Variants in YLPM1 observed in about 807,000 individuals in gnomAD.
YLPM1 encodes the protein YLP motif-containing protein 1.
In YLPM1, 99 loss-of-function variants were observed where a neutral mutation model predicts 230.0. That is an observed-to-expected ratio of 0.43 (90% CI 0.37 to 0.51). The LOEUF (loss-of-function observed/expected upper bound fraction) is 0.51, where lower values mean the gene tolerates loss of function less well. YLPM1 is among the 20% of genes least tolerant of loss of function. YLPM1 has a pLI of 0.00. For missense variants in YLPM1, 2,592 were observed against 2,707.7 expected (o/e 0.96, Z 0.95); for synonymous variants, 984 against 942.5 (o/e 1.04, Z -0.81).
rs1210043743 is a variant in YLPM1 at position 74,778,553 on chromosome 14, C to A, written c.980C>A (p.Pro327Gln). The A allele has an allele frequency of 6.2e-7, 1 of 1,606,570 alleles. No homozygotes were observed. The highest frequency in any genetic ancestry group is 8.5e-7 in the Non-Finnish European group (1 of 1,176,650). The change falls in exon 2 of 21, where the codon CCA becomes CAA. Residue 327 changes from proline (P) to glutamine (Q), a missense_variant. Transcript: ENST00000325680. Reference sequence around the variant, plus strand: ...GGTCCTGTGGTAGCAAAGGATACACCAGAGCCGGTAAAAGAAGAAGTTACA... The same window carrying A: ...GGTCCTGTGGTAGCAAAGGATACACAAGAGCCGGTAAAAGAAGAAGTTACA... The part of the protein sequence containing the change: ...KKGPVVAKDT[P>Q]EPVKEEVTVP...
intron 18 of YLPM1, among the ~76,000 whole-genome samples, chr14:74,825,715 G>C (rs2091556112): frequency 6.6e-6 from 1 of 151,904 alleles, no homozygotes; most frequent in Non-Finnish European, 1.5e-5. Context: ...TTATCCTTTA[G>C]GGCAAAGAGA....
At position 74,798,622 on chromosome 14, in the gene YLPM1, C is replaced by T; in HGVS notation, c.3325C>T (p.Arg1109Ter). 1 of 1,611,542 alleles carries T rather than the reference C, an allele frequency of 6.2e-7. No individual in the cohort carries two copies. Among genetic ancestry groups the T allele is most frequent in the Non-Finnish European group, 8.5e-7 (1 of 1,178,534 alleles). The change falls in exon 5 of 21, where the codon CGA (arginine) becomes TGA (stop). Residue 1109 changes from arginine (R) to a stop codon, truncating the protein, a stop_gained. Transcript: ENST00000325680. LOFTEE classifies it high-confidence loss of function. The part of the protein sequence containing the change: ...GSQDRGAAGS[R>*]ERGPPRRAGS... ...CCAGGACAGGGGTGCAGCTGGCAGC[C>T]GAGAAAGGGGACCACCTCGGAGGGC...
intron 13 of YLPM1, 73 bp downstream of exon 13, chr14:74,816,763 G>A: frequency 6.6e-7 from 1 of 1,513,850 alleles, no homozygotes; most frequent in Non-Finnish European, 8.8e-7. Context: ...GGAGAGAAAT[G>A]TGGCTTTTTT....
At chr14:74,830,908 A>G (rs1004712219) in intron 19 of YLPM1, among the ~76,000 whole-genome samples, 2 of 152,206 alleles carry the variant, frequency 1.3e-5, no homozygotes, top group African/African-American at 4.8e-5. Context: ...TTACAATTCA[A>G]CATGAGATTT....
At chr14:74,807,230 T>C (rs1286207843) in intron 6 of YLPM1, among the ~76,000 whole-genome samples, 1 of 152,142 alleles carries the variant, frequency 6.6e-6, no homozygotes, top group Middle Eastern at 3.4e-3. Context: ...TATTGTGGGC[T>C]CTCCAGGATC....
At chr14:74,803,333 C>T (rs1406660715) in intron 6 of YLPM1, among the ~76,000 whole-genome samples, 1 of 152,098 alleles carries the variant, frequency 6.6e-6, no homozygotes, top group Non-Finnish European at 1.5e-5. Flanking sequence ...GTTATTTTAC[C>T]TTTAAGCCAG....
rs540388625 is a variant in YLPM1 at position 74,812,888 on chromosome 14, T to C, written c.5502+106T>C. The C allele has an allele frequency of 3.2e-5, 44 of 1,379,826 alleles. No homozygotes were observed. The African/African-American group carries it at 5.5e-4, about 17-fold the overall frequency. The allele number at this position is 1,379,826 out of a possible 1,614,324, so 85.5% of individuals were successfully genotyped here. On this transcript the variant is annotated intron_variant, in intron 11 of 20. Coordinates refer to ENST00000325680, the MANE Select transcript of YLPM1 (RefSeq NM_019589.3). ...ATTTTTCTGCAACATAGTAATAATATCAGATTCAAGACGTTTTACTATCTC... is the reference window on the plus strand; with the variant it reads ...ATTTTTCTGCAACATAGTAATAATACCAGATTCAAGACGTTTTACTATCTC...
chr14:74,763,435 G>A lies in YLPM1; in HGVS notation c.-55G>A. The stretch of plus-strand genomic sequence containing the variant: ...CGCCGTCGCCGCCGCGGCTCCTGGA[G>A]GTCGGTTGCGACGAGTAACGGCGCC... On this transcript the variant is annotated 5_prime_UTR_variant, in exon 1 of 21. Transcript: ENST00000325680. 9.5e-6 allele frequency: 13 copies of A among 1,368,140 alleles called. No individual in the cohort carries two copies. The South Asian group carries it at 2.6e-4, about 27-fold the overall frequency. The allele number at this position is 1,368,140 out of a possible 1,614,324, so 84.8% of individuals were successfully genotyped here.
At chr14:74,816,507 T>G in intron 12 of YLPM1, 64 bp from the exon 13 acceptor site, 3 of 1,540,788 alleles carry the variant, frequency 1.9e-6, no homozygotes, top group Non-Finnish European at 2.6e-6. Flanking sequence ...AAGAGGGAAC[T>G]TTGGTGTGAA....
intron 1 of YLPM1, among the ~76,000 whole-genome samples, chr14:74,768,747 A>G (rs1420529704): frequency 6.6e-6 from 1 of 152,162 alleles, no homozygotes; most frequent in East Asian, 1.9e-4. Context: ...TAGACATGGG[A>G]CCTGCCCTCA....
chr14:74,819,823 T>C (rs1443928788), intron 16 of YLPM1, among the ~76,000 whole-genome samples: 1 of 152,200 alleles, frequency 6.6e-6, no homozygotes, highest in Non-Finnish European at 1.5e-5. Context: ...CTTTTACTTT[T>C]TTGGCTATCT....
At chr14:74,789,494 G>C (rs982383535) in intron 4 of YLPM1, among the ~76,000 whole-genome samples, 1 of 152,022 alleles carries the variant, frequency 6.6e-6, no homozygotes, top group Non-Finnish European at 1.5e-5. Flanking sequence ...TGGGATTACC[G>C]GTGTGAGCCA....
intron 2 of YLPM1, among the ~76,000 whole-genome samples, chr14:74,779,061 C>T (rs776027508): frequency 2.6e-5 from 4 of 152,032 alleles, no homozygotes; most frequent in Admixed American, 1.3e-4. Context: ...AGGCTGGTTT[C>T]GAACTCCTGA....
intron 20 of YLPM1, 46 bp downstream of exon 20, chr14:74,835,493 A>G: frequency 6.6e-7 from 1 of 1,526,530 alleles, no homozygotes; most frequent in Non-Finnish European, 8.8e-7. Flanking sequence ...TGGTTGCTTC[A>G]AAGGGTTTGA....
At position 74,811,733 on chromosome 14, in the gene YLPM1, T is replaced by C; in HGVS notation, c.5342T>C (p.Phe1781Ser). 2 of 1,593,934 alleles carry C rather than the reference T, an allele frequency of 1.3e-6. No homozygotes were observed. Among genetic ancestry groups the C allele is most frequent in the Non-Finnish European group, 1.7e-6 (2 of 1,173,562 alleles). The change falls in exon 10 of 21, where the codon TTT (phenylalanine) becomes TCT (serine). Residue 1781 changes from phenylalanine to serine, a missense_variant. Physicochemically the swap from Phe to Ser is radical, Grantham distance 155. Coordinates refer to ENST00000325680, the MANE Select transcript of YLPM1 (RefSeq NM_019589.3). The stretch of plus-strand genomic sequence containing the variant: ...CCAGTCTATGAAGGACCATCCATGT[T>C]TGGAGGTAGAGTGATGCCTTATTAA... Reference protein sequence around the residue: ...DRPVYEGPSMFGGERRTYPEE... With the variant: ...DRPVYEGPSMSGGERRTYPEE...
chr14:74,802,600 A>AGCCACAGATGGCTGACCATCT lies in YLPM1; in HGVS notation c.4446_4466dup (p.Gln1484_Pro1490dup). Reference sequence around the variant, plus strand: ...CAAAAGATGAAAGACTTCGGGTCTGAGCCACAGATGGCTGACCATCTACCA... The same window carrying AGCCACAGATGGCTGACCATCT: ...CAAAAGATGAAAGACTTCGGGTCTGAGCCACAGATGGCTGACCATCTGCCACAGATGGCTGACCATCTACCA... On this transcript the variant is annotated inframe_insertion, in exon 6 of 21. Transcript: ENST00000325680. The AGCCACAGATGGCTGACCATCT allele has an allele frequency of 6.2e-7, 1 of 1,613,526 alleles. No individual in the cohort carries two copies. Among genetic ancestry groups the AGCCACAGATGGCTGACCATCT allele is most frequent in the Non-Finnish European group, 8.5e-7 (1 of 1,179,708 alleles).
intron 1 of YLPM1, among the ~76,000 whole-genome samples, chr14:74,775,542 A>G (rs924243178): frequency 1.3e-5 from 2 of 152,238 alleles, no homozygotes; most frequent in East Asian, 1.9e-4. Flanking sequence ...CACAGGAACC[A>G]AAAGTTTATT....
intron 1 of YLPM1, among the ~76,000 whole-genome samples, chr14:74,771,032 G>T (rs1417969430): frequency 6.6e-6 from 1 of 152,116 alleles, no homozygotes; most frequent in Non-Finnish European, 1.5e-5. Context: ...GGAGAGGGAG[G>T]CATCAAGAAT....
At chr14:74,781,059 C>T (rs1409294677) in intron 3 of YLPM1, among the ~76,000 whole-genome samples, 1 of 152,058 alleles carries the variant, frequency 6.6e-6, no homozygotes, top group African/African-American at 2.4e-5. Context: ...TGAAATTATC[C>T]ATATTAAAAA....
Sources: gnomAD v4.1 joint callset for allele counts (sites outside exome capture counted in the v4.1 genomes callset) on GRCh38, gnomAD v4.1.1 for gene constraint, MANE v1.5 for transcripts, NCBI Gene and HGNC (gene_info 2026-07-23, HGNC 2026-07-21) for gene names.